Variants in SUGP2 observed in about 807,000 individuals in gnomAD.
SUGP2 encodes SURP and G-patch domain containing 2, also known as SURP and G-patch domain-containing protein 2.
A neutral mutation model predicts 90.5 loss-of-function variants in SUGP2; 24 were observed. The observed-to-expected ratio is 0.27, with a 90% CI of 0.19 to 0.37. SUGP2 has a LOEUF of 0.37. Ranked by LOEUF, SUGP2 falls within the 10% of genes least tolerant of loss-of-function variation. The pLI is 1.00. For missense variants in SUGP2, 1,233 were observed against 1,363.3 expected, an observed-to-expected ratio of 0.90 and a Z score of 1.51; for synonymous variants, 473 against 513.4, an observed-to-expected ratio of 0.92 and a Z score of 1.06.
intron 9 of SUGP2, 38 bp downstream of exon 9, chr19:18,995,106 G>GCCCCACCCCCACCCCCC: frequency 6.3e-7 from 1 of 1,584,884 alleles, no homozygotes; most frequent in Non-Finnish European, 8.6e-7. Context: ...AAGGACTGAG[G>GCCCCACCCCCACCCCCC]CCCCACCCAC....
At chr19:19,027,303 A>T (rs1178894783) in intron 2 of SUGP2, among the ~76,000 whole-genome samples, 1 of 152,212 alleles carries the variant, frequency 6.6e-6, no homozygotes, top group Non-Finnish European at 1.5e-5. Context: ...GTTAAAAAAA[A>T]AATCAAATGA....
intron 8 of SUGP2, among the ~76,000 whole-genome samples, chr19:18,996,700 G>A (rs2145255963): frequency 6.6e-6 from 1 of 152,264 alleles, no homozygotes. Flanking sequence ...TTACAGGCGT[G>A]TGCCACCACG....
In SUGP2 at chr19:19,024,831, T is replaced by C. The variant is rs371184642; in HGVS notation, c.1517A>G (p.Asp506Gly). 5 of 1,614,036 alleles carry C rather than the reference T, an allele frequency of 3.1e-6. No individual in the cohort carries two copies. Among genetic ancestry groups the C allele is most frequent in the Non-Finnish European group, 4.2e-6 (5 of 1,180,042 alleles). ...AAACGCAGCAGGTGAGGGAGCTATA[T>C]CTTGCAGGCCGACAGCTTCTAAGAT... ...EKILEAVGLQ[D>G]IAPSPAAFPN... Residue 506 changes from aspartate to glycine, a missense_variant, in exon 3 of 11, where the codon GAT (aspartate) becomes GGT (glycine). Asp to Gly is a moderately conservative substitution (Grantham distance 94). Coordinates refer to ENST00000452918, the MANE Select transcript of SUGP2 (RefSeq NM_001017392.5).
chr19:18,992,805 C>T lies in SUGP2; in HGVS notation c.*936G>A, dbSNP rs2057417705. On this transcript the variant is annotated 3_prime_UTR_variant, in exon 11 of 11. Transcript: ENST00000452918. ...GCCCATACTTAAAACTTCAACGATC[C>T]TGCTTCACAAGGAAGGATGAGTGGA... 6.6e-6 allele frequency: 1 copy of T among 152,116 alleles called. No homozygotes were observed. Among genetic ancestry groups the T allele is most frequent in the Non-Finnish European group, 1.5e-5 (1 of 68,038 alleles). 9.4% of individuals were successfully genotyped at this position (152,116 alleles called of 1,614,324 possible).
intron 6 of SUGP2, chr19:19,007,399 T>C (rs2058118531): frequency 6.6e-6 from 1 of 152,312 alleles, no homozygotes; most frequent in Non-Finnish European, 1.5e-5. Context: ...GCAGATTAAA[T>C]GTCCCTCTGG....
intron 1 of SUGP2, among the ~76,000 whole-genome samples, chr19:19,031,510 G>A (rs2059149251): frequency 6.6e-6 from 1 of 151,266 alleles, no homozygotes; most frequent in Non-Finnish European, 1.5e-5. Flanking sequence ...CTCCAGCATG[G>A]GTAACAGAGT....
intron 8 of SUGP2, among the ~76,000 whole-genome samples, chr19:18,999,222 G>A (rs1018773728): frequency 6.6e-6 from 1 of 152,172 alleles, no homozygotes; most frequent in Admixed American, 6.5e-5. Context: ...GGGCGAGGTG[G>A]AGGTTTGCAG....
chr19:19,020,762 G>A (rs1289074168), intron 3 of SUGP2, among the ~76,000 whole-genome samples: 1 of 151,956 alleles, frequency 6.6e-6, no homozygotes, highest in African/African-American at 2.4e-5. Flanking sequence ...AAGTGTGAAT[G>A]TCCTCCAATA....
chr19:19,006,962 G>A (rs2058099119), intron 6 of SUGP2, among the ~76,000 whole-genome samples: 1 of 152,198 alleles, frequency 6.6e-6, no homozygotes, highest in Admixed American at 6.5e-5. Context: ...AGAAATGCAC[G>A]TTTTCAACTG....
chr19:19,009,775 C>T (rs2058232188), intron 5 of SUGP2, 80 bp downstream of exon 5: 1 of 1,497,972 alleles, frequency 6.7e-7, no homozygotes, highest in Non-Finnish European at 8.9e-7. Context: ...GATTGCAGGC[C>T]CCCCCAATTC....
chr19:19,026,242 C>CAAAA lies in SUGP2; in HGVS notation c.122-20_122-17dup. 1 of 1,175,222 alleles carries CAAAA rather than the reference C, an allele frequency of 8.5e-7. No homozygotes were observed. The highest frequency in any genetic ancestry group is 1.1e-6 in the Non-Finnish European group (1 of 878,690). 72.8% of individuals were successfully genotyped at this position (1,175,222 alleles called of 1,614,324 possible). A position where few individuals can be genotyped will look rare whatever the true frequency, so the allele number is the denominator to read the frequency against. On this transcript the variant is annotated splice_polypyrimidine_tract_variant and intron_variant, in intron 2 of 10. Transcript: ENST00000452918. Reference sequence around the variant, plus strand: ...CTTAAGAGATCTGAAATAAACCATCCAAAAAAAAAAAAGAAGAAGCCAAAA... The same window carrying CAAAA: ...CTTAAGAGATCTGAAATAAACCATCCAAAAAAAAAAAAAAAAGAAGAAGCCAAAA...
Position 19,031,811 on chromosome 19 carries a change from C to T in SUGP2, c.-11-729G>A, listed in dbSNP as rs532622548. Among the ~76,000 whole-genome samples, 3 of 144,878 alleles carry T rather than the reference C, an allele frequency of 2.1e-5. No individual in the cohort carries two copies. The South Asian group carries it at 6.6e-4, about 32-fold the overall frequency. On this transcript the variant is annotated intron_variant, in intron 1 of 10. Coordinates refer to ENST00000452918, the MANE Select transcript of SUGP2 (RefSeq NM_001017392.5). Reference sequence around the variant, plus strand: ...ATGGTACTTCAGAGGCAAGCTGGACCCTTTTTATTTATCTTTTTTTTTTTT... The same window carrying T: ...ATGGTACTTCAGAGGCAAGCTGGACTCTTTTTATTTATCTTTTTTTTTTTT...
intron 8 of SUGP2, among the ~76,000 whole-genome samples, chr19:18,995,690 G>A (rs1429355091): frequency 6.6e-6 from 1 of 152,174 alleles, no homozygotes; most frequent in East Asian, 1.9e-4. Flanking sequence ...CTGCAGGCAG[G>A]ATGGGGGCCA....
At position 19,025,491 on chromosome 19, in the gene SUGP2, G is replaced by C; in HGVS notation, c.857C>G (p.Pro286Arg). The C allele has an allele frequency of 6.2e-7, 1 of 1,614,108 alleles. No homozygotes were observed. Among genetic ancestry groups the C allele is most frequent in the Non-Finnish European group, 8.5e-7 (1 of 1,180,018 alleles). Reference sequence around the variant, plus strand: ...GGGGAACTGGATATCTTCTGTCCCTGGGTTTGTCCCCAGGGTCACATCAGG... The same window carrying C: ...GGGGAACTGGATATCTTCTGTCCCTCGGTTTGTCCCCAGGGTCACATCAGG... Reference protein sequence around the residue: ...PSPDVTLGTNPGTEDIQFPIQ... With the variant: ...PSPDVTLGTNRGTEDIQFPIQ... Residue 286 changes from proline to arginine, a missense_variant, in exon 3 of 11, where the codon CCA becomes CGA. Transcript: ENST00000452918.
chr19:18,998,293 C>CT (rs1195399116), intron 8 of SUGP2, among the ~76,000 whole-genome samples: 4 of 152,144 alleles, frequency 2.6e-5, no homozygotes, highest in Non-Finnish European at 5.9e-5. Flanking sequence ...ATATGTATAA[C>CT]TTTTTTGTTT....
intron 8 of SUGP2, among the ~76,000 whole-genome samples, chr19:18,996,282 G>T (rs1227883538): frequency 2.0e-5 from 3 of 152,188 alleles, no homozygotes; most frequent in Non-Finnish European, 2.9e-5. Context: ...TGTAATCCCA[G>T]CTACTTGTGA....
chr19:19,003,604 C>T (rs575038486), intron 7 of SUGP2: 1 of 152,498 alleles, frequency 6.6e-6, no homozygotes, highest in Non-Finnish European at 1.5e-5. Context: ...GGTGGGTTCT[C>T]GCCTCTGCAC....
intron 3 of SUGP2, among the ~76,000 whole-genome samples, chr19:19,023,329 G>C (rs1388667329): frequency 6.6e-6 from 1 of 151,914 alleles, no homozygotes; most frequent in East Asian, 1.9e-4. Context: ...TTTTTGTTTT[G>C]GTTTATTGAG....
Position 19,009,847 on chromosome 19 carries a change from G to A in SUGP2, c.2338+8C>T, listed in dbSNP as rs1210355063. On this transcript the variant is annotated splice_region_variant and intron_variant, in intron 5 of 10. Coordinates refer to ENST00000452918, the MANE Select transcript of SUGP2 (RefSeq NM_001017392.5). ...GCCCAGAGGAGGGGGACAGGAGTGAGCACCCACTGTCAGCAGATGGGCAGG... is the reference window on the plus strand; with the variant it reads ...GCCCAGAGGAGGGGGACAGGAGTGAACACCCACTGTCAGCAGATGGGCAGG... The A allele has an allele frequency of 1.3e-6, 2 of 1,596,728 alleles. No homozygotes were observed. Among genetic ancestry groups the A allele is most frequent in the Admixed American group, 1.7e-5 (1 of 59,058 alleles).
Sources: gnomAD v4.1 joint callset for allele counts (sites outside exome capture counted in the v4.1 genomes callset) on GRCh38, gnomAD v4.1.1 for gene constraint, MANE v1.5 for transcripts, NCBI Gene and HGNC (gene_info 2026-07-23, HGNC 2026-07-21) for gene names.